The following WDR37 variants were observed in gnomAD, a reference collection of about 807,000 sequenced individuals.
WDR37 encodes WD repeat domain 37.
WDR37 carries 19 observed loss-of-function variants against 62.9 expected under a neutral mutation model. The observed-to-expected ratio is 0.30, with a 90% CI of 0.21 to 0.44. The LOEUF (loss-of-function observed/expected upper bound fraction) is 0.44, where lower values mean the gene tolerates loss of function less well. WDR37 is among the 20% of genes least tolerant of loss of function. The probability of loss-of-function intolerance (pLI) is 1.00; values close to 1 mark genes in which losing one functional copy is unlikely to be tolerated. For missense variants in WDR37, 474 were observed against 657.6 expected (o/e 0.72, Z 3.05); for synonymous variants, 250 against 260.9 (o/e 0.96, Z 0.40).
intron 9 of WDR37, among the ~76,000 whole-genome samples, chr10:1,099,429 A>T (rs1834716115): frequency 6.6e-6 from 1 of 152,242 alleles, no homozygotes; most frequent in African/African-American, 2.4e-5. Context: ...ATCTTGGAAT[A>T]TTCCTTGAGT....
chr10:1,115,180 T>C (rs10903371), intron 11 of WDR37, among the ~76,000 whole-genome samples: 86,616 of 152,070 alleles, frequency 0.57, 25,908 homozygotes, highest in Non-Finnish European at 0.67. Context: ...AACTTTAGCA[T>C]TGAAAAAAAC....
chr10:1,112,264 G>C (rs1484476644), intron 11 of WDR37, among the ~76,000 whole-genome samples: 1 of 152,190 alleles, frequency 6.6e-6, no homozygotes, highest in East Asian at 1.9e-4. Flanking sequence ...GGTGGTCAGT[G>C]ACTTTTGCTG....
At chr10:1,069,389 A>ATATATATATATATATATATTTTTTTT in intron 1 of WDR37, among the ~76,000 whole-genome samples, 2 of 95,778 alleles carry the variant, frequency 2.1e-5, no homozygotes, top group African/African-American at 4.7e-5. Flanking sequence ...ATATATATAT[A>ATATATATATATATATATATTTTTTTT]TTTTTTTTTT....
At chr10:1,082,341 C>T (rs376392574) in intron 5 of WDR37, among the ~76,000 whole-genome samples, 1 of 152,158 alleles carries the variant, frequency 6.6e-6, no homozygotes, top group Non-Finnish European at 1.5e-5. Flanking sequence ...GAGGTTTTTC[C>T]CCTTCCTGGG....
chr10:1,107,318 GC>G (rs11308920), intron 11 of WDR37, among the ~76,000 whole-genome samples: 152,336 of 152,338 alleles, frequency 1, 76,167 homozygotes, highest in Middle Eastern at 1. Flanking sequence ...GGGCAGAGGG[GC>G]CCGCATGACT....
rs147451144 is a variant in WDR37 at position 1,105,373 on chromosome 10, A to C, written c.1103+106A>C. 1,021 of 1,350,414 alleles carry C rather than the reference A, an allele frequency of 7.6e-4. 7 individuals carry two copies. In the African/African-American group the frequency reaches 0.013, roughly 18 times the overall value. 83.7% of individuals were successfully genotyped at this position (1,350,414 alleles called of 1,614,324 possible). On this transcript the variant is annotated intron_variant, in intron 11 of 13. Transcript: ENST00000263150. This position sits in a 1 kb window ranked among gnomAD's most constrained non-coding sequence, Gnocchi z 5.3. ...AATTTTCAGTATTTCCGACTCTACT[A>C]TCTTTCAAAAAAATAACTACCTTTC... is the stretch of plus-strand genomic sequence containing the variant.
intron 11 of WDR37, among the ~76,000 whole-genome samples, chr10:1,118,012 C>T (rs576272850): frequency 1.7e-5 from 2 of 116,158 alleles, no homozygotes; most frequent in South Asian, 7.0e-4. Context: ...ACTTGAAGTC[C>T]CTGCACACAT....
rs745381967 is a variant in WDR37, at chr10:1,103,810, C to T, written c.935C>T (p.Thr312Met). 4 of 1,614,192 alleles carry T rather than the reference C, an allele frequency of 2.5e-6. No homozygotes were observed. Among genetic ancestry groups the T allele is most frequent in the East Asian group, 2.2e-5 (1 of 44,878 alleles). Residue 312 changes from threonine to methionine, a missense_variant, in exon 10 of 14, where the codon ACG becomes ATG. Coordinates refer to ENST00000263150, the MANE Select transcript of WDR37 (RefSeq NM_014023.4). This position sits in a 1 kb window ranked among gnomAD's most constrained non-coding sequence, Gnocchi z 6.3. ...ACGGCAAACCTGTACGACGTGGAGA[C>T]GTCCGAGCTCGTTCACTCTCTGACA... The part of the protein sequence containing the change: ...DRTANLYDVE[T>M]SELVHSLTGH...
intron 2 of WDR37, among the ~76,000 whole-genome samples, chr10:1,077,333 G>A (rs1252054230): frequency 6.6e-6 from 1 of 152,192 alleles, no homozygotes; most frequent in Admixed American, 6.5e-5. Context: ...GAAATAAAAA[G>A]TTAATGTTTT....
chr10:1,078,817 T>C (rs1833948399), intron 3 of WDR37, among the ~76,000 whole-genome samples: 1 of 152,146 alleles, frequency 6.6e-6, no homozygotes, highest in Non-Finnish European at 1.5e-5. Context: ...ACCCAAACTA[T>C]AAAATTTGTA....
At chr10:1,077,697 A>G (rs1833920038) in intron 2 of WDR37, among the ~76,000 whole-genome samples, 1 of 152,248 alleles carries the variant, frequency 6.6e-6, no homozygotes, top group Admixed American at 6.5e-5. Context: ...CAAATCCCAT[A>G]TCATACTAGG....
chr10:1,068,222 C>T (rs1833613488), intron 1 of WDR37, among the ~76,000 whole-genome samples: 3 of 152,036 alleles, frequency 2.0e-5, no homozygotes, highest in Non-Finnish European at 4.4e-5. Flanking sequence ...TGGCTGACGC[C>T]TGTAATCCCA....
At chr10:1,125,199 G>A in intron 13 of WDR37, 175 bp downstream of exon 13, 1 of 721,932 alleles carries the variant, frequency 1.4e-6, no homozygotes, top group Non-Finnish European at 1.7e-6. Flanking sequence ...GTACACTCAA[G>A]TTATTCCACA....
chr10:1,057,472 G>A (rs1044904103), intron 1 of WDR37, among the ~76,000 whole-genome samples: 11 of 152,174 alleles, frequency 7.2e-5, no homozygotes. Flanking sequence ...GAGTGGGGAT[G>A]GTCGGCTTCA....
At chr10:1,091,433 A>G (rs999584273) in intron 7 of WDR37, among the ~76,000 whole-genome samples, 4 of 152,236 alleles carry the variant, frequency 2.6e-5, no homozygotes, top group African/African-American at 9.6e-5. Context: ...TTTAATATTA[A>G]TAATGAGGCT....
intron 1 of WDR37, among the ~76,000 whole-genome samples, chr10:1,068,840 C>G (rs1324250164): frequency 6.6e-6 from 1 of 152,188 alleles, no homozygotes; most frequent in African/African-American, 2.4e-5. Context: ...AAATGTCTGT[C>G]AGTTGTATTT....
chr10:1,086,225 C>T lies in WDR37; in HGVS notation c.533-61C>T, dbSNP rs886302771. On this transcript the variant is annotated intron_variant, in intron 6 of 13. Coordinates refer to ENST00000263150, the MANE Select transcript of WDR37 (RefSeq NM_014023.4). The stretch of plus-strand genomic sequence containing the variant: ...TTTTAGAGTATTTGTCTTATTCTTT[C>T]ATTTGAAAAACTATAAACTGATGAT... 12 of 1,406,088 alleles carry T rather than the reference C, an allele frequency of 8.5e-6. No homozygotes were observed. In the African/African-American group the frequency reaches 1.3e-4, roughly 15 times the overall value. The allele number at this position is 1,406,088 out of a possible 1,614,324, so 87.1% of individuals were successfully genotyped here.
At chr10:1,078,070 C>CT in intron 3 of WDR37, 67 bp downstream of exon 3, 2 of 1,208,118 alleles carry the variant, frequency 1.7e-6, no homozygotes, top group Non-Finnish European at 2.4e-6. Context: ...TATGAATAGA[C>CT]ATTCATCACT....
At chr10:1,094,973 CTG>C (rs1486205268) in intron 8 of WDR37, among the ~76,000 whole-genome samples, 1 of 148,630 alleles carries the variant, frequency 6.7e-6, no homozygotes, top group Non-Finnish European at 1.5e-5. Context: ...GAGAGTTAGA[CTG>C]AGAAACGTGA....
Sources: gnomAD v4.1 joint callset for allele counts (sites outside exome capture counted in the v4.1 genomes callset) on GRCh38, gnomAD v4.1.1 for gene constraint, Gnocchi (gnomAD v3.1) non-coding constraint, MANE v1.5 for transcripts, NCBI Gene and HGNC (gene_info 2026-07-23, HGNC 2026-07-21) for gene names.